The following ATMIN variants were observed in gnomAD, a reference collection of about 807,000 sequenced individuals.
The protein encoded by ATMIN is ATM interactor, also known as ATM INteracting protein.
ATMIN carries 24 observed loss-of-function variants against 49.2 expected under a neutral mutation model. The observed-to-expected ratio is 0.49, with a 90% CI of 0.35 to 0.69. The LOEUF (loss-of-function observed/expected upper bound fraction) is 0.69. Ranked by LOEUF, ATMIN falls within the 30% of genes least tolerant of loss-of-function variation. ATMIN has a pLI of 0.00. For synonymous variants in ATMIN, 450 were observed against 392.5 expected (o/e 1.15, Z -1.73); for missense variants, 1,037 against 1,005.5 (o/e 1.03, Z -0.42).
chr16:81,042,231 T>G (rs768193341), intron 2 of ATMIN, 50 bp from the exon 3 acceptor site: 2 of 1,536,734 alleles, frequency 1.3e-6, no homozygotes, highest in South Asian at 1.1e-5. Context: ...TTCTGAAATG[T>G]TTTGACCAGT....
Position 81,044,675 on chromosome 16 carries a change from A to C in ATMIN, c.2177A>C (p.His726Pro). ...PHLPLGSILK[H>P]SSFSVSTDSS... ...CTGCCTCTGGGAAGTATTCTGAAACACTCCAGCTTTTCCGTGAGTACTGAT... is the reference window on the plus strand; with the variant it reads ...CTGCCTCTGGGAAGTATTCTGAAACCCTCCAGCTTTTCCGTGAGTACTGAT... The change falls in exon 4 of 4, where the codon CAC (histidine) becomes CCC (proline). Residue 726 changes from histidine to proline, a missense_variant. Physicochemically the swap from His to Pro is moderately conservative, Grantham distance 77 (BLOSUM62 -2). Transcript: ENST00000299575. 6.2e-7 allele frequency: 1 copy of C among 1,614,106 alleles called. No individual in the cohort carries two copies. The highest frequency in any genetic ancestry group is 8.5e-7 in the Non-Finnish European group (1 of 1,180,020).
chr16:81,044,934 G>A lies in ATMIN; in HGVS notation c.2436G>A (p.Gln812=). 6.2e-7 allele frequency: 1 copy of A among 1,613,900 alleles called. No individual in the cohort carries two copies. The highest frequency in any genetic ancestry group is 2.2e-5 in the East Asian group (1 of 44,882). The change falls in exon 4 of 4, where the codon CAG becomes CAA. Residue 812 remains glutamine, a synonymous_variant. Transcript: ENST00000299575. ...MESQFSSVET[Q]TSAEPHTVSN... The stretch of plus-strand genomic sequence containing the variant: ...CTCAGTTCAGCTCTGTAGAAACCCA[G>A]ACTTCTGCGGAACCACACACAGTCT...
Position 81,042,266 on chromosome 16 carries a change from C to T in ATMIN, c.463-15C>T. The T allele has an allele frequency of 6.2e-7, 1 of 1,611,854 alleles. No homozygotes were observed. The highest frequency in any genetic ancestry group is 8.5e-7 in the Non-Finnish European group (1 of 1,179,516). ...TTGCTGTTTTTCACCTTAGTCCCTT[C>T]TGCGTTCCTCCTAGCACTTTATGAA... On this transcript the variant is annotated splice_polypyrimidine_tract_variant and intron_variant, in intron 2 of 3. Coordinates refer to ENST00000299575, the MANE Select transcript of ATMIN (RefSeq NM_015251.3).
chr16:81,041,632 G>C (rs926405795), intron 2 of ATMIN, 151 bp downstream of exon 2: 2 of 955,836 alleles, frequency 2.1e-6, no homozygotes, highest in African/African-American at 1.6e-5. Flanking sequence ...TGAGTATGCT[G>C]TTACACAAGT....
chr16:81,036,843 G>C (rs917087787), intron 1 of ATMIN, among the ~76,000 whole-genome samples: 1 of 152,124 alleles, frequency 6.6e-6, no homozygotes, highest in Non-Finnish European at 1.5e-5. Context: ...CCATCAGTAG[G>C]AATAATTACT....
Position 81,043,310 on chromosome 16 carries a change from T to C in ATMIN, c.812T>C (p.Phe271Ser). ...EASEIKLEPS[F>S]EDSCGSNTDK... ...TCAGAAATAAAGCTAGAACCATCTT[T>C]TGAAGACTCTTGTGGCTCTAACACT... The change falls in exon 4 of 4, where the codon TTT becomes TCT. Residue 271 changes from phenylalanine (F) to serine (S), a missense_variant. Coordinates refer to ENST00000299575, the MANE Select transcript of ATMIN (RefSeq NM_015251.3). 6.2e-7 allele frequency: 1 copy of C among 1,614,194 alleles called. No homozygotes were observed. Among genetic ancestry groups the C allele is most frequent in the Non-Finnish European group, 8.5e-7 (1 of 1,180,042 alleles).
In ATMIN at chr16:81,044,929, AC is replaced by A. The variant is rs1336587909; in HGVS notation, c.2434del (p.Gln812ArgfsTer21). 5.0e-6 allele frequency: 8 copies of A among 1,613,940 alleles called. No homozygotes were observed. The highest frequency in any genetic ancestry group is 6.8e-6 in the Non-Finnish European group (8 of 1,179,852). ...GGAGTCTCAGTTCAGCTCTGTAGAA[AC>A]CCAGACTTCTGCGGAACCACACACA... ...TMESQFSSVE[T>X]QTSAEPHTVS... On this transcript the variant is annotated frameshift_variant, in exon 4 of 4. Coordinates refer to ENST00000299575, the MANE Select transcript of ATMIN (RefSeq NM_015251.3). LOFTEE classifies it high-confidence loss of function.
Position 81,044,564 on chromosome 16 carries a change from G to C in ATMIN, c.2066G>C (p.Arg689Thr), listed in dbSNP as rs753206807. 1.2e-6 allele frequency: 2 copies of C among 1,613,836 alleles called. No individual in the cohort carries two copies. The highest frequency in any genetic ancestry group is 1.3e-5 in the African/African-American group (1 of 74,876). ...ADTSAQSYGC[R>T]GNSNFLGLEM... is the part of the protein sequence containing the mutation. ...ACCTCTGCTCAGTCCTATGGGTGTA[G>C]GGGAAATTCTAACTTCTTAGGCCTT... The change falls in exon 4 of 4, where the codon AGG (arginine) becomes ACG (threonine). Residue 689 changes from arginine (R) to threonine (T), a missense_variant. Arg to Thr is a moderately conservative substitution (Grantham distance 71). Transcript: ENST00000299575.
intron 2 of ATMIN, among the ~76,000 whole-genome samples, chr16:81,041,936 C>G (rs1335685854): frequency 6.6e-6 from 1 of 151,420 alleles, no homozygotes; most frequent in East Asian, 1.9e-4. Flanking sequence ...AGATTGGCAT[C>G]TGAAATGTTC....
At chr16:81,040,177 A>G (rs1422373657) in intron 1 of ATMIN, among the ~76,000 whole-genome samples, 1 of 152,168 alleles carries the variant, frequency 6.6e-6, no homozygotes, top group Admixed American at 6.6e-5. Context: ...TTTATTCTTG[A>G]AAGTATATAG....
Position 81,042,463 on chromosome 16 carries a change from G to A in ATMIN, c.645G>A (p.Glu215=). 1.2e-6 allele frequency: 2 copies of A among 1,614,152 alleles called. No homozygotes were observed. The highest frequency in any genetic ancestry group is 1.7e-6 in the Non-Finnish European group (2 of 1,180,010). ...CTCACATCTACCGAACTGGGCACGA[G>A]ATACCTGCAGAACACAGGTGAAGGG... ...LQSHIYRTGH[E]IPAEHRDPPS... Residue 215 remains glutamate, a synonymous_variant, in exon 3 of 4, where the codon GAG becomes GAA. Coordinates refer to ENST00000299575, the MANE Select transcript of ATMIN (RefSeq NM_015251.3).
intron 1 of ATMIN, among the ~76,000 whole-genome samples, chr16:81,040,148 T>C (rs775779869): frequency 1.3e-5 from 2 of 152,210 alleles, no homozygotes; most frequent in Non-Finnish European, 2.9e-5. Flanking sequence ...AAAGATACAG[T>C]ACAAAAAGTC....
rs751306740 is a variant in ATMIN, at chr16:81,043,531, C to A, written c.1033C>A (p.Pro345Thr). 2 of 1,614,064 alleles carry A rather than the reference C, an allele frequency of 1.2e-6. No individual in the cohort carries two copies. Among genetic ancestry groups the A allele is most frequent in the African/African-American group, 2.7e-5 (2 of 75,054 alleles). ...GSATGAVHLM[P>T]LSVGTLILGL... ...TGCCACAGGGGCTGTGCACTTAATG[C>A]CCTTGTCAGTAGGAACCCTGATCCT... Residue 345 changes from proline to threonine, a missense_variant, in exon 4 of 4, where the codon CCC (proline) becomes ACC (threonine). By Grantham distance (38) the Pro-to-Thr change is conservative (BLOSUM62 -1). Transcript: ENST00000299575.
chr16:81,036,209 G>C lies in ATMIN; in HGVS notation c.336+3G>C. The C allele has an allele frequency of 7.0e-7, 1 of 1,426,442 alleles. No homozygotes were observed. The allele number at this position is 1,426,442 out of a possible 1,614,324, so 88.4% of individuals were successfully genotyped here. A position where few individuals can be genotyped will look rare whatever the true frequency, so the allele number is the denominator to read the frequency against. The stretch of plus-strand genomic sequence containing the variant: ...TAGTCAAGAGCCACCGCCTGCAGGT[G>C]AGCCCGACGCGGCCGGCGGCCCGGG... On this transcript the variant is annotated splice_donor_region_variant and intron_variant, in intron 1 of 3. Transcript: ENST00000299575.
Position 81,044,537 on chromosome 16 carries a change from A to C in ATMIN, c.2039A>C (p.Asp680Ala), listed in dbSNP as rs764037566. Residue 680 changes from aspartate to alanine, a missense_variant, in exon 4 of 4, where the codon GAT becomes GCT. Coordinates refer to ENST00000299575, the MANE Select transcript of ATMIN (RefSeq NM_015251.3). ...IETQTDFLLA[D>A]TSAQSYGCRG... ...ACTCAAACGGACTTCTTACTCGCAG[A>C]TACCTCTGCTCAGTCCTATGGGTGT... 1 of 1,614,136 alleles carries C rather than the reference A, an allele frequency of 6.2e-7. No individual in the cohort carries two copies. Among genetic ancestry groups the C allele is most frequent in the Non-Finnish European group, 8.5e-7 (1 of 1,180,042 alleles).
In ATMIN at chr16:81,043,600, CT is replaced by C; in HGVS notation, c.1106del (p.Phe369SerfsTer12). ...EACSLKESLP[L>X]FKIANPIAGE... ...TTGCTCTCTTAAGGAGAGCCTACCT[CT>C]TTTCAAAATTGCTAATCCTATTGCT... On this transcript the variant is annotated frameshift_variant, in exon 4 of 4. Transcript: ENST00000299575. LOFTEE classifies it high-confidence loss of function. 4 of 1,614,162 alleles carry C rather than the reference CT, an allele frequency of 2.5e-6. No homozygotes were observed. Among genetic ancestry groups the C allele is most frequent in the Non-Finnish European group, 3.4e-6 (4 of 1,180,042 alleles).
Position 81,044,434 on chromosome 16 carries a change from A to G in ATMIN, c.1936A>G (p.Asn646Asp), listed in dbSNP as rs1222049513. Reference protein sequence around the residue: ...FDIEEFFSASNIQTQTEESEL... With the variant: ...FDIEEFFSASDIQTQTEESEL... ...TATCGAAGAGTTCTTTTCGGCCTCA[A>G]ATATCCAGACTCAAACTGAAGAGAG... The change falls in exon 4 of 4, where the codon AAT (asparagine) becomes GAT (aspartate). Residue 646 changes from asparagine (N) to aspartate (D), a missense_variant. Physicochemically the swap from Asn to Asp is conservative, Grantham distance 23. Coordinates refer to ENST00000299575, the MANE Select transcript of ATMIN (RefSeq NM_015251.3). 4 of 1,614,108 alleles carry G rather than the reference A, an allele frequency of 2.5e-6. No individual in the cohort carries two copies. Among genetic ancestry groups the G allele is most frequent in the Non-Finnish European group, 2.5e-6 (3 of 1,180,026 alleles).
intron 1 of ATMIN, chr16:81,037,625 A>G (rs1422907458): frequency 9.2e-6 from 5 of 541,630 alleles, no homozygotes; most frequent in Non-Finnish European, 9.4e-6. Flanking sequence ...TTTCTTCCCT[A>G]TTGTTTTTGT....
chr16:81,037,515 G>A, intron 1 of ATMIN: 2 of 984,830 alleles, frequency 2.0e-6, no homozygotes, highest in Non-Finnish European at 2.4e-6. Context: ...CCGAATTGTT[G>A]GACTGAAAAG....
Sources: allele counts gnomAD v4.1 joint callset (sites outside exome capture counted in the v4.1 genomes callset), GRCh38; gene constraint gnomAD v4.1.1; transcripts MANE v1.5; gene names NCBI Gene and HGNC (gene_info 2026-07-23, HGNC 2026-07-21).